The following ADGRG6 variants were observed in gnomAD, a reference collection of about 807,000 sequenced individuals.
ADGRG6 encodes the protein G-protein coupled receptor 126.
ADGRG6 carries 84 observed loss-of-function variants against 142.4 expected under a neutral mutation model. The ratio of observed to expected loss-of-function variants is 0.59; its 90% CI spans 0.49 to 0.71. The LOEUF (loss-of-function observed/expected upper bound fraction) is 0.71. Ranked by LOEUF, ADGRG6 falls within the 30% of genes least tolerant of loss-of-function variation. ADGRG6 has a pLI of 0.00. For missense variants in ADGRG6, 1,367 were observed against 1,466.6 expected, an observed-to-expected ratio of 0.93 and a Z score of 1.11; for synonymous variants, 521 against 520.5, an observed-to-expected ratio of 1.00 and a Z score of -0.01.
intron 2 of ADGRG6, among the ~76,000 whole-genome samples, chr6:142,324,056 C>T (rs1778645632): frequency 6.6e-6 from 1 of 152,080 alleles, no homozygotes; most frequent in South Asian, 2.1e-4. Flanking sequence ...TCCCTCCAGA[C>T]TTCTTTGAGA....
chr6:142,419,857 C>T lies in ADGRG6; in HGVS notation c.3072C>T (p.Thr1024=), dbSNP rs986391739. 8.1e-6 allele frequency: 13 copies of T among 1,611,768 alleles called. No homozygotes were observed. Among genetic ancestry groups the T allele is most frequent in the South Asian group, 1.1e-5 (1 of 90,928 alleles). The change falls in exon 22 of 25, where the codon ACC becomes ACT. Residue 1024 remains threonine, a synonymous_variant. Coordinates refer to ENST00000367609, the MANE Select transcript of ADGRG6 (RefSeq NM_198569.3). ...AAGATCCAGTCATATTTTATGTGACCTGTGCTGGGTATTTTGGAGTCATGT... is the reference window on the plus strand; with the variant it reads ...AAGATCCAGTCATATTTTATGTGACTTGTGCTGGGTATTTTGGAGTCATGT... ...WIQDPVIFYV[T]CAGYFGVMFF...
At chr6:142,342,241 G>A (rs1487852573) in intron 2 of ADGRG6, among the ~76,000 whole-genome samples, 2 of 152,066 alleles carry the variant, frequency 1.3e-5, no homozygotes, top group African/African-American at 4.8e-5. Flanking sequence ...GGAGAAAATT[G>A]TTGAAAGGAA....
In ADGRG6 at chr6:142,417,352, A is replaced by G. The variant is rs1244194676; in HGVS notation, c.3018A>G (p.Lys1006=). The change falls in exon 21 of 25, where the codon AAA becomes AAG. Residue 1006 remains lysine, a synonymous_variant. Transcript: ENST00000367609. ...NEVYGKESYG[K]EKGDEFCWIQ... ...TCTATGGAAAAGAAAGTTATGGGAAAGAAAAAGGTGATGAATTGTAAGTAA... is the reference window on the plus strand; with the variant it reads ...TCTATGGAAAAGAAAGTTATGGGAAGGAAAAAGGTGATGAATTGTAAGTAA... 2 of 1,561,084 alleles carry G rather than the reference A, an allele frequency of 1.3e-6. No homozygotes were observed. Among genetic ancestry groups the G allele is most frequent in the East Asian group, 2.2e-5 (1 of 44,490 alleles).
Position 142,351,813 on chromosome 6 carries a change from C to T in ADGRG6, c.104-15756C>T, listed in dbSNP as rs1440041861. On this transcript the variant is annotated intron_variant, in intron 2 of 24. Transcript: ENST00000367609. ...ATGCATCCAACAAAGGTCAAATATC[C>T]AGGATCTATAAGGAACTTGAACGGA... Among the ~76,000 whole-genome samples the T allele has an allele frequency of 3.3e-5, 5 of 152,070 alleles. No homozygotes were observed. In the East Asian group the frequency reaches 9.6e-4, roughly 29 times the overall value.
chr6:142,405,953 A>C, intron 15 of ADGRG6, 125 bp downstream of exon 15: 1 of 612,560 alleles, frequency 1.6e-6, no homozygotes, highest in South Asian at 2.7e-5. Flanking sequence ...GTGTTTTCAA[A>C]ACTGAAAATT....
intron 18 of ADGRG6, among the ~76,000 whole-genome samples, 155 bp from the exon 19 acceptor site, chr6:142,414,814 A>T (rs1390749580): frequency 6.6e-6 from 1 of 152,206 alleles, no homozygotes; most frequent in South Asian, 2.1e-4. Context: ...ATCGAAAATA[A>T]TATAATAAAT....
At chr6:142,331,987 A>G (rs1779085534) in intron 2 of ADGRG6, among the ~76,000 whole-genome samples, 1 of 152,184 alleles carries the variant, frequency 6.6e-6, no homozygotes, top group Non-Finnish European at 1.5e-5. Flanking sequence ...ACAGCTTTAT[A>G]ATGGGACAAT....
chr6:142,411,248 A>G (rs1776064900), intron 17 of ADGRG6, 57 bp from the exon 18 acceptor site: 7 of 906,860 alleles, frequency 7.7e-6, no homozygotes, highest in East Asian at 2.4e-5. Flanking sequence ...GGTCTCATCC[A>G]TTATAGAGAA....
At chr6:142,373,664 T>C (rs758848660) in intron 4 of ADGRG6, among the ~76,000 whole-genome samples, 4 of 152,116 alleles carry the variant, frequency 2.6e-5, no homozygotes, top group Non-Finnish European at 5.9e-5. Flanking sequence ...TCAGCTCTCC[T>C]GAGTAGGTAG....
At chr6:142,344,696 T>C (rs1234588972) in intron 2 of ADGRG6, among the ~76,000 whole-genome samples, 1 of 151,960 alleles carries the variant, frequency 6.6e-6, no homozygotes, top group African/African-American at 2.4e-5. Flanking sequence ...CTTAAAACTG[T>C]AAGGAAAAAG....
chr6:142,369,817 CTTCCTGAAACCAG>C (rs1336119919), intron 3 of ADGRG6, among the ~76,000 whole-genome samples: 1 of 152,114 alleles, frequency 6.6e-6, no homozygotes, highest in African/African-American at 2.4e-5. Flanking sequence ...TAAACAAAGC[CTTCCTGAAACCAG>C]TTATTTCCTT....
chr6:142,373,370 G>A (rs1781343453), intron 4 of ADGRG6, among the ~76,000 whole-genome samples: 1 of 129,370 alleles, frequency 7.7e-6, no homozygotes, highest in Admixed American at 7.8e-5. Flanking sequence ...TTTGCAGTGT[G>A]TTAACATATT....
chr6:142,417,394 T>C (rs1453023939), intron 21 of ADGRG6, 25 bp downstream of exon 21: 1 of 960,992 alleles, frequency 1.0e-6, no homozygotes, highest in East Asian at 2.5e-5. Context: ...CTTTTTGTGA[T>C]GAGTAGATAT....
At chr6:142,407,170 T>TA (rs11414768) in intron 15 of ADGRG6, among the ~76,000 whole-genome samples, 29,334 of 120,940 alleles carry the variant, frequency 0.24, 4,275 homozygotes, top group African/African-American at 0.42. Flanking sequence ...CCCGTCTCTT[T>TA]AAAAAAAAAA....
intron 9 of ADGRG6, 115 bp downstream of exon 9, chr6:142,394,073 G>C (rs947126660): frequency 3.6e-5 from 25 of 692,046 alleles, no homozygotes; most frequent in Non-Finnish European, 5.8e-5. Context: ...ACATAGCACA[G>C]TTATTTCTTT....
chr6:142,349,958 A>G (rs955751364), intron 2 of ADGRG6, among the ~76,000 whole-genome samples: 1 of 152,222 alleles, frequency 6.6e-6, no homozygotes, highest in African/African-American at 2.4e-5. Flanking sequence ...ATTCATAAAT[A>G]CTGTTACCAC....
At chr6:142,414,910 CAG>C (rs1776279895) in intron 18 of ADGRG6, 57 bp from the exon 19 acceptor site, 1 of 1,496,916 alleles carries the variant, frequency 6.7e-7, no homozygotes, top group Non-Finnish European at 9.0e-7. Context: ...TCTAGTGAAA[CAG>C]AGAACCATTC....
At chr6:142,322,629 A>G (rs1223883858) in intron 2 of ADGRG6, among the ~76,000 whole-genome samples, 2 of 151,970 alleles carry the variant, frequency 1.3e-5, no homozygotes, top group African/African-American at 2.4e-5. Context: ...TTCATAATAT[A>G]TTGGATTTTG....
rs908339843 is a variant in ADGRG6, at chr6:142,359,206, A to T, written c.104-8363A>T. Among the ~76,000 whole-genome samples, 981 of 148,212 alleles carry T rather than the reference A, an allele frequency of 6.6e-3. 8 individuals are homozygous for T. Among genetic ancestry groups the T allele is most frequent in the African/African-American group, 0.023 (936 of 39,964 alleles). ...TGGGAGACAGAGCAAGACCCTATAA[A>T]AAAAAAAAAAAAAAAAAAAAGTGCT... On this transcript the variant is annotated intron_variant, in intron 2 of 24. Transcript: ENST00000367609.
Sources: allele counts gnomAD v4.1 joint callset (sites outside exome capture counted in the v4.1 genomes callset), GRCh38; gene constraint gnomAD v4.1.1; transcripts MANE v1.5; gene names NCBI Gene and HGNC (gene_info 2026-07-23, HGNC 2026-07-21).